The following PVT1 variants were observed in gnomAD, a reference collection of about 807,000 sequenced individuals.
PVT1 encodes Pvt1 oncogene.
intron 3 of PVT1, among the ~76,000 whole-genome samples, chr8:127,975,123 A>G (rs1816809497): frequency 6.6e-6 from 1 of 152,226 alleles, no homozygotes; most frequent in African/African-American, 2.4e-5. Flanking sequence ...GGGTGCCATG[A>G]GCATCTTCGT....
chr8:127,919,868 A>C (rs185551132), intron 3 of PVT1, among the ~76,000 whole-genome samples: 2 of 152,308 alleles, frequency 1.3e-5, no homozygotes, highest in East Asian at 3.9e-4. Flanking sequence ...TTGTGCCAGC[A>C]GTTTGGGGGT....
At chr8:128,001,739 A>G (rs1426513) in intron 4 of PVT1, among the ~76,000 whole-genome samples, 47,802 of 152,066 alleles carry the variant, frequency 0.31, 7,910 homozygotes, top group East Asian at 0.51. Context: ...TAGTTCTCAA[A>G]GCTAAAAGTC....
chr8:127,900,772 CA>C (rs1469930866), intron 3 of PVT1, among the ~76,000 whole-genome samples: 1 of 152,218 alleles, frequency 6.6e-6, no homozygotes, highest in African/African-American at 2.4e-5. Context: ...TGCACATTTG[CA>C]GCCTGACTGG....
intron 3 of PVT1, among the ~76,000 whole-genome samples, chr8:127,956,030 C>T (rs1816565387): frequency 6.6e-6 from 1 of 152,228 alleles, no homozygotes; most frequent in Non-Finnish European, 1.5e-5. Flanking sequence ...TCATACTGTA[C>T]CACCTCTTTG....
intron 2 of PVT1, among the ~76,000 whole-genome samples, chr8:127,841,571 A>C (rs1268637325): frequency 6.6e-6 from 1 of 151,804 alleles, no homozygotes; most frequent in Non-Finnish European, 1.5e-5. Flanking sequence ...TATTAGCTCC[A>C]TTTTATAGGA....
chr8:128,016,289 A>G (rs1051322174), intron 4 of PVT1, among the ~76,000 whole-genome samples: 27 of 150,320 alleles, frequency 1.8e-4, no homozygotes, highest in Non-Finnish European at 2.2e-4. Context: ...AAAAAAAAAA[A>G]GGGGGCGAGG....
At chr8:127,817,328 T>G (rs1490393591) in intron 2 of PVT1, among the ~76,000 whole-genome samples, 1 of 148,850 alleles carries the variant, frequency 6.7e-6, no homozygotes, top group East Asian at 2.0e-4. Context: ...CTCAGTAGTT[T>G]CCCTGTCTGT....
rs191920791 is a variant in PVT1 at position 128,047,396 on chromosome 8, C to T, written n.913-22764C>T. ...GGTTTCTTGGCCACCAGAATGGAAACGTTTTTGTTTTCTTGTGTGCTTTTG... is the reference window on the plus strand; with the variant it reads ...GGTTTCTTGGCCACCAGAATGGAAATGTTTTTGTTTTCTTGTGTGCTTTTG... On this transcript the variant is annotated intron_variant and non_coding_transcript_variant, in intron 4 of 10. Coordinates refer to ENST00000651587, the Ensembl canonical transcript of PVT1. Among the ~76,000 whole-genome samples the T allele has an allele frequency of 1.8e-3, 281 of 152,292 alleles. 2 individuals are homozygous for T. Among genetic ancestry groups the T allele is most frequent in the Middle Eastern group, 0.014 (4 of 294 alleles).
At chr8:128,011,684 GAGA>G (rs978305488) in intron 4 of PVT1, among the ~76,000 whole-genome samples, 3 of 152,214 alleles carry the variant, frequency 2.0e-5, no homozygotes, top group African/African-American at 4.8e-5. Flanking sequence ...GCTTCACAGA[GAGA>G]AGATGTGGAG....
intron 3 of PVT1, among the ~76,000 whole-genome samples, chr8:127,915,011 G>T (rs970930190): frequency 1.3e-5 from 2 of 151,966 alleles, no homozygotes; most frequent in African/African-American, 4.8e-5. Flanking sequence ...TTTTGGTAGA[G>T]ATGGGGTTTC....
chr8:127,974,562 G>T (rs540482936), intron 3 of PVT1, among the ~76,000 whole-genome samples: 13 of 150,758 alleles, frequency 8.6e-5, no homozygotes, highest in African/African-American at 3.0e-4. Context: ...CTACAGGTGC[G>T]CACTGCTACA....
At chr8:127,960,949 G>GC (rs1816634924) in intron 3 of PVT1, among the ~76,000 whole-genome samples, 1 of 131,106 alleles carries the variant, frequency 7.6e-6, no homozygotes, top group Non-Finnish European at 1.6e-5. Context: ...GGGGTGGGGG[G>GC]GGCGGGCGGG....
intron 2 of PVT1, among the ~76,000 whole-genome samples, chr8:127,825,875 G>T (rs1003890817): frequency 1.3e-5 from 2 of 151,398 alleles, no homozygotes; most frequent in African/African-American, 4.9e-5. Flanking sequence ...TTTTGAGATG[G>T]GGTCTTACTC....
chr8:128,078,532 G>A (rs187929560), intron 5 of PVT1, among the ~76,000 whole-genome samples: 133 of 150,328 alleles, frequency 8.8e-4, no homozygotes, highest in Non-Finnish European at 1.6e-3. Context: ...CACGTAGTCA[G>A]TTCCTAAGAA....
intron 4 of PVT1, among the ~76,000 whole-genome samples, chr8:128,038,199 G>A (rs538955891): frequency 7.2e-5 from 11 of 152,246 alleles, no homozygotes; most frequent in Middle Eastern, 3.4e-3. Flanking sequence ...GATTGGAATC[G>A]CTGGTATAAA....
chr8:127,925,478 C>T (rs1816118752), intron 3 of PVT1, among the ~76,000 whole-genome samples: 1 of 152,170 alleles, frequency 6.6e-6, no homozygotes, highest in Non-Finnish European at 1.5e-5. Context: ...GTGGATGTTA[C>T]AATGTGTTCA....
chr8:127,818,991 A>G (rs1814698796), intron 2 of PVT1, among the ~76,000 whole-genome samples: 1 of 152,128 alleles, frequency 6.6e-6, no homozygotes, highest in Non-Finnish European at 1.5e-5. Context: ...AGTAGCTGGG[A>G]CTTGCAGGCA....
intron 3 of PVT1, among the ~76,000 whole-genome samples, chr8:127,938,492 C>T (rs1816306461): frequency 6.6e-6 from 1 of 152,168 alleles, no homozygotes; most frequent in Admixed American, 6.5e-5. Context: ...AACCCAAGGC[C>T]TCACCCTGGG....
intron 2 of PVT1, among the ~76,000 whole-genome samples, chr8:127,800,654 C>T (rs1226568400): frequency 2.0e-5 from 3 of 152,006 alleles, no homozygotes; most frequent in Admixed American, 6.6e-5. Context: ...CCTAGTATAC[C>T]ATATGTCTCT....
Sources: gnomAD v4.1 joint callset for allele counts (sites outside exome capture counted in the v4.1 genomes callset) on GRCh38, gnomAD v4.1.1 for gene constraint, MANE v1.5 for transcripts, NCBI Gene and HGNC (gene_info 2026-07-23, HGNC 2026-07-21) for gene names.